The following AXIN1 variants were observed in gnomAD, a reference collection of about 807,000 sequenced individuals.
AXIN1 encodes the protein axin-1.
A neutral mutation model predicts 76.4 loss-of-function variants in AXIN1; 30 were observed. That is an observed-to-expected ratio of 0.39 (90% confidence interval 0.29 to 0.53). AXIN1 has a LOEUF of 0.53. AXIN1 is among the 20% of genes least tolerant of loss of function. The pLI, the probability that AXIN1 is intolerant of heterozygous loss-of-function variation, is 0.66. For missense variants in AXIN1, 1,140 were observed against 1,198.8 expected, an observed-to-expected ratio of 0.95 and a Z score of 0.72; for synonymous variants, 545 against 501.4, an observed-to-expected ratio of 1.09 and a Z score of -1.16.
At chr16:306,099 C>T (rs974469066) in intron 4 of AXIN1, among the ~76,000 whole-genome samples, 4 of 152,120 alleles carry the variant, frequency 2.6e-5, no homozygotes, top group African/African-American at 9.7e-5. Context: ...TTTATCATCC[C>T]CTTACCGGCA....
rs538727229 is a variant in AXIN1 at position 311,242 on chromosome 16, C to A, written c.1020-1173G>T. On this transcript the variant is annotated intron_variant, in intron 3 of 10. Coordinates refer to ENST00000262320, the MANE Select transcript of AXIN1 (RefSeq NM_003502.4). Reference sequence around the variant, plus strand: ...AGACGGGGTTTCACTGTGTTAACCACGATGGTCTCAATCTCCTGACCCCGT... The same window carrying A: ...AGACGGGGTTTCACTGTGTTAACCAAGATGGTCTCAATCTCCTGACCCCGT... 3.8e-3 allele frequency among the ~76,000 whole-genome samples: 570 copies of A among 151,134 alleles called. 2 individuals are homozygous for A. Among genetic ancestry groups the A allele is most frequent in the Non-Finnish European group, 5.0e-3 (341 of 67,690 alleles).
chr16:293,946 G>T lies in AXIN1; in HGVS notation c.1956-228C>A, dbSNP rs1338117675. Among the ~76,000 whole-genome samples the T allele has an allele frequency of 6.6e-6, 1 of 152,104 alleles. No individual in the cohort carries two copies. The highest frequency in any genetic ancestry group is 2.1e-4 in the South Asian group (1 of 4,810). ...TAATCCCAGCATTTCGGGAGGCCGA[G>T]GCGGGCAGATCACCAGAGGTCGGGA... is the stretch of plus-strand genomic sequence containing the variant. On this transcript the variant is annotated intron_variant, in intron 7 of 10. Coordinates refer to ENST00000262320, the MANE Select transcript of AXIN1 (RefSeq NM_003502.4). The surrounding 1 kb of genome is among the most constrained non-coding windows in gnomAD (Gnocchi z 4.6).
intron 2 of AXIN1, among the ~76,000 whole-genome samples, chr16:337,755 C>G (rs889737895): frequency 6.6e-6 from 1 of 152,244 alleles, no homozygotes; most frequent in African/African-American, 2.4e-5. Flanking sequence ...CACAAGCCAG[C>G]GTTCAACTCC....
intron 7 of AXIN1, among the ~76,000 whole-genome samples, chr16:296,787 G>A (rs993420924): frequency 6.6e-6 from 1 of 152,166 alleles, no homozygotes; most frequent in African/African-American, 2.4e-5. Context: ...CATCTGTGCT[G>A]CCTGCGGGGT....
intron 2 of AXIN1, among the ~76,000 whole-genome samples, chr16:320,653 ATATATG>A (rs1297303638): frequency 3.3e-5 from 5 of 149,684 alleles, no homozygotes; most frequent in Admixed American, 3.3e-4. Context: ...AAAAACAAAT[ATATATG>A]TATATATGTA....
chr16:299,779 C>T (rs1165400071), intron 5 of AXIN1, among the ~76,000 whole-genome samples: 1 of 152,150 alleles, frequency 6.6e-6, no homozygotes, highest in Non-Finnish European at 1.5e-5. Context: ...CCTCAGCCTG[C>T]CCAGTAGCTG....
intron 2 of AXIN1, among the ~76,000 whole-genome samples, chr16:322,794 G>T (rs2053488215): frequency 6.6e-6 from 1 of 152,188 alleles, no homozygotes; most frequent in Non-Finnish European, 1.5e-5. Context: ...CCAGACACTG[G>T]CAGACACAAA....
intron 4 of AXIN1, among the ~76,000 whole-genome samples, chr16:309,222 C>T (rs184608269): frequency 8.6e-5 from 13 of 151,754 alleles, no homozygotes; most frequent in African/African-American, 2.7e-4. Context: ...CCCAGCTACT[C>T]GGGAGGCTGA....
In AXIN1 at chr16:333,984, C is replaced by G. The variant is rs1597096673; in HGVS notation, c.878+12164G>C. ...CCAGTACCACAGCACAGCAATAACA[C>G]AGCATGCAGTACCATGGCATCCAAT... On this transcript the variant is annotated intron_variant, in intron 2 of 10. Transcript: ENST00000262320. Among the ~76,000 whole-genome samples, 4 of 151,304 alleles carry G rather than the reference C, an allele frequency of 2.6e-5. No individual in the cohort carries two copies. In the South Asian group the frequency reaches 8.4e-4, roughly 32 times the overall value.
intron 5 of AXIN1, among the ~76,000 whole-genome samples, chr16:302,478 C>T (rs2052898775): frequency 6.6e-6 from 1 of 152,254 alleles, no homozygotes; most frequent in South Asian, 2.1e-4. Flanking sequence ...GGAGCTCCAC[C>T]ATCTGCAGCG....
chr16:341,254 G>A (rs2053912395), intron 2 of AXIN1, among the ~76,000 whole-genome samples: 1 of 152,278 alleles, frequency 6.6e-6, no homozygotes, highest in African/African-American at 2.4e-5. Flanking sequence ...CAGCTTGCGG[G>A]GAGGTGTGGA....
chr16:336,071 C>T (rs544562155), intron 2 of AXIN1, among the ~76,000 whole-genome samples: 2 of 152,104 alleles, frequency 1.3e-5, no homozygotes, highest in Non-Finnish European at 2.9e-5. Context: ...CTGGTCTCTG[C>T]TAAAAATACA....
intron 3 of AXIN1, among the ~76,000 whole-genome samples, 163 bp from the exon 4 acceptor site, chr16:310,232 T>C (rs550737152): frequency 5.9e-5 from 9 of 152,212 alleles, no homozygotes; most frequent in Admixed American, 5.2e-4. Flanking sequence ...CAGGCACCCA[T>C]GTGTGCACAG....
intron 2 of AXIN1, among the ~76,000 whole-genome samples, chr16:325,148 C>T (rs2053553094): frequency 6.6e-6 from 1 of 150,838 alleles, no homozygotes; most frequent in Non-Finnish European, 1.5e-5. Flanking sequence ...CTCAGCCCCG[C>T]GGGCGGCCCC....
chr16:348,415 T>A (rs1043159440), intron 1 of AXIN1, among the ~76,000 whole-genome samples: 10 of 152,210 alleles, frequency 6.6e-5, no homozygotes, highest in African/African-American at 2.4e-4. Flanking sequence ...CACACTGCTG[T>A]CCCTTGTCTA....
chr16:291,349 G>C, intron 8 of AXIN1, 52 bp from the exon 9 acceptor site: 1 of 1,473,164 alleles, frequency 6.8e-7, no homozygotes, highest in Non-Finnish European at 9.3e-7. Context: ...ACCAGCCCTG[G>C]GGAGGGAGCC....
In AXIN1 at chr16:288,184, CCT is replaced by C. The variant is rs2052439783; in HGVS notation, c.2525_2526del (p.Glu842GlyfsTer9). 6.2e-7 allele frequency: 1 copy of C among 1,613,714 alleles called. No homozygotes were observed. ...TCAAAGACGGGCAGGACGGCCTCGT[CCT>C]CTCGAACCTCCTCAAACACCACCCC... ...DCGVVFEEVR[E>X]DEAVLPVFEE... is the part of the protein sequence containing the mutation. On this transcript the variant is annotated frameshift_variant, in exon 11 of 11. Transcript: ENST00000262320. LOFTEE classifies it high-confidence loss of function.
At chr16:323,425 C>T (rs1321668254) in intron 2 of AXIN1, among the ~76,000 whole-genome samples, 34 of 121,780 alleles carry the variant, frequency 2.8e-4, no homozygotes, top group African/African-American at 9.2e-4. Context: ...GGCGACAGAG[C>T]GAGACTCCGT....
intron 9 of AXIN1, 149 bp from the exon 10 acceptor site, chr16:289,756 G>A (rs548693806): frequency 3.3e-5 from 31 of 928,796 alleles, no homozygotes; most frequent in South Asian, 3.0e-4. Flanking sequence ...CGCAGCCCCC[G>A]CACAGCATCT....
Sources: gnomAD v4.1 joint callset for allele counts (sites outside exome capture counted in the v4.1 genomes callset) on GRCh38, gnomAD v4.1.1 for gene constraint, Gnocchi (gnomAD v3.1) non-coding constraint, MANE v1.5 for transcripts, NCBI Gene and HGNC (gene_info 2026-07-23, HGNC 2026-07-21) for gene names.